Variants in FBXO42 observed in about 807,000 individuals in gnomAD.
FBXO42 encodes F-box protein 42, also known as F-box only protein 42.
A neutral mutation model predicts 71.7 loss-of-function variants in FBXO42; 12 were observed. That is an observed-to-expected ratio of 0.17 (90% CI 0.11 to 0.27). The LOEUF (loss-of-function observed/expected upper bound fraction) is 0.27, where lower values mean the gene tolerates loss of function less well. Ranked by LOEUF, FBXO42 falls within the 10% of genes least tolerant of loss-of-function variation. FBXO42 has a pLI of 1.00. For synonymous variants in FBXO42, 325 were observed against 327.5 expected (o/e 0.99, Z 0.08); for missense variants, 707 against 911.9 (o/e 0.78, Z 2.89).
intron 4 of FBXO42, among the ~76,000 whole-genome samples, chr1:16,288,453 AAT>A (rs1353200393): frequency 5.3e-4 from 75 of 141,144 alleles, no homozygotes; most frequent in African/African-American, 2.1e-3. Context: ...TAAAAATAAA[AAT>A]AATAATAATA....
chr1:16,276,934 T>G lies in FBXO42; in HGVS notation c.502+17849A>C, dbSNP rs181939280. Among the ~76,000 whole-genome samples the G allele has an allele frequency of 3.0e-4, 45 of 152,322 alleles. No homozygotes were observed. The East Asian group carries it at 8.5e-3, about 29-fold the overall frequency. On this transcript the variant is annotated intron_variant, in intron 4 of 9. Coordinates refer to ENST00000375592, the MANE Select transcript of FBXO42 (RefSeq NM_018994.3). ...TAAGAAGGTTTTATTTTAGATGGTT[T>G]TAAGAAAGAATAGAAAAGTCTCATG...
At chr1:16,320,690 G>A (rs975958862) in intron 1 of FBXO42, among the ~76,000 whole-genome samples, 3 of 149,896 alleles carry the variant, frequency 2.0e-5, no homozygotes, top group East Asian at 2.0e-4. Context: ...TGGGAGTCTC[G>A]CTCTGTGCCC....
chr1:16,338,724 T>G (rs1010305219), intron 1 of FBXO42, among the ~76,000 whole-genome samples: 8 of 149,284 alleles, frequency 5.4e-5, no homozygotes, highest in African/African-American at 2.0e-4. Context: ...TCCCCACTGA[T>G]AAACAAAAAT....
chr1:16,256,525 A>G, intron 5 of FBXO42, 81 bp downstream of exon 5: 1 of 1,426,890 alleles, frequency 7.0e-7, no homozygotes, highest in Non-Finnish European at 9.7e-7. Context: ...TCTCAAAGGG[A>G]CTCTTGACAC....
chr1:16,289,848 G>A (rs1395795917), intron 4 of FBXO42, among the ~76,000 whole-genome samples: 1 of 152,048 alleles, frequency 6.6e-6, no homozygotes, highest in African/African-American at 2.4e-5. Flanking sequence ...GCAGGAGGTC[G>A]AGGCTACAGG....
intron 2 of FBXO42, among the ~76,000 whole-genome samples, chr1:16,308,398 G>T (rs551976465): frequency 6.6e-6 from 1 of 152,052 alleles, no homozygotes; most frequent in Non-Finnish European, 1.5e-5. Flanking sequence ...CAGGAGGATC[G>T]CTTGAGCCCA....
At chr1:16,285,256 A>C (rs72638103) in intron 4 of FBXO42, among the ~76,000 whole-genome samples, 2 of 151,988 alleles carry the variant, frequency 1.3e-5, no homozygotes, top group Non-Finnish European at 2.9e-5. Flanking sequence ...AAGAAAAAAA[A>C]AATCAATGTA....
At chr1:16,300,776 A>T (rs1358963900) in intron 3 of FBXO42, among the ~76,000 whole-genome samples, 1 of 152,132 alleles carries the variant, frequency 6.6e-6, no homozygotes, top group Non-Finnish European at 1.5e-5. Flanking sequence ...AACATTTTTC[A>T]ATGCATGATG....
intron 2 of FBXO42, 44 bp from the exon 3 acceptor site, chr1:16,305,963 A>T: frequency 2.4e-6 from 3 of 1,263,564 alleles, no homozygotes; most frequent in East Asian, 2.3e-5. Context: ...CACTTAACTT[A>T]TCCATCAAAT....
At chr1:16,268,207 G>A (rs1035687871) in intron 4 of FBXO42, among the ~76,000 whole-genome samples, 1 of 152,160 alleles carries the variant, frequency 6.6e-6, no homozygotes. Flanking sequence ...TTCTAGCCTG[G>A]TGTCAAAACA....
chr1:16,349,932 A>G (rs1006480125), intron 1 of FBXO42, among the ~76,000 whole-genome samples: 1 of 152,220 alleles, frequency 6.6e-6, no homozygotes, highest in Non-Finnish European at 1.5e-5. Flanking sequence ...GTATTTGTTC[A>G]TCTTTGAGAT....
At chr1:16,253,035 G>A in intron 8 of FBXO42, 61 bp downstream of exon 8, 10 of 1,438,320 alleles carry the variant, frequency 7.0e-6, no homozygotes, top group Non-Finnish European at 9.7e-6. Context: ...AGAAGACAGG[G>A]GAAACAGGTT....
rs1429826545 is a variant in FBXO42, at chr1:16,331,448, ATAATT to A, written c.-17-16018_-17-16014del. On this transcript the variant is annotated intron_variant, in intron 1 of 9. Coordinates refer to ENST00000375592, the MANE Select transcript of FBXO42 (RefSeq NM_018994.3). ...AATAATAATAATAATAATAATAATAATAATTTAATTAAAAAGTAAAAACCGGCTTG... is the reference window on the plus strand; with the variant it reads ...AATAATAATAATAATAATAATAATAATAATTAAAAAGTAAAAACCGGCTTG... Among the ~76,000 whole-genome samples the A allele has an allele frequency of 3.3e-5, 5 of 149,254 alleles. No homozygotes were observed. In the Admixed American group the frequency reaches 3.4e-4, roughly 10 times the overall value.
At chr1:16,316,730 C>CA (rs71003274) in intron 1 of FBXO42, among the ~76,000 whole-genome samples, 1,061 of 51,230 alleles carry the variant, frequency 0.021, 16 homozygotes, top group African/African-American at 0.023. Flanking sequence ...GAAAGACTCT[C>CA]AAAAAAAAAA....
intron 1 of FBXO42, among the ~76,000 whole-genome samples, chr1:16,325,285 A>C (rs1383192903): frequency 6.6e-6 from 1 of 152,146 alleles, no homozygotes; most frequent in Non-Finnish European, 1.5e-5. Flanking sequence ...AAACAAAACT[A>C]AACTAAAAAA....
intron 4 of FBXO42, among the ~76,000 whole-genome samples, chr1:16,265,333 C>T (rs1052953279): frequency 6.6e-6 from 1 of 152,140 alleles, no homozygotes; most frequent in African/African-American, 2.4e-5. Context: ...TCAGGTGGTC[C>T]TCCCGTCTTG....
At chr1:16,335,952 A>G (rs1193073645) in intron 1 of FBXO42, among the ~76,000 whole-genome samples, 1 of 150,464 alleles carries the variant, frequency 6.6e-6, no homozygotes. Flanking sequence ...TGTTTTTGAG[A>G]TGGAGTTTCG....
intron 1 of FBXO42, among the ~76,000 whole-genome samples, chr1:16,342,937 C>T (rs919245173): frequency 6.6e-6 from 1 of 152,126 alleles, no homozygotes; most frequent in Non-Finnish European, 1.5e-5. Context: ...TCAACTTCCC[C>T]TTTGACCTTT....
intron 1 of FBXO42, among the ~76,000 whole-genome samples, chr1:16,324,923 G>A (rs552308321): frequency 6.6e-6 from 1 of 152,126 alleles, no homozygotes; most frequent in African/African-American, 2.4e-5. Context: ...AACTTAAACT[G>A]ATATCCTTTG....
Sources: allele counts gnomAD v4.1 joint callset (sites outside exome capture counted in the v4.1 genomes callset), GRCh38; gene constraint gnomAD v4.1.1; transcripts MANE v1.5; gene names NCBI Gene and HGNC (gene_info 2026-07-23, HGNC 2026-07-21).